CTNNA3: variants seen among roughly 807,000 people sequenced by gnomAD.
CTNNA3 encodes the protein catenin alpha 3.
A neutral mutation model predicts 95.7 loss-of-function variants in CTNNA3; 76 were observed. That is an observed-to-expected ratio of 0.79 (90% CI 0.66 to 0.96). The LOEUF (loss-of-function observed/expected upper bound fraction) is 0.96. Among genes scored for constraint, CTNNA3 ranks in the 40% least tolerant of loss-of-function variants. CTNNA3 has a pLI of 0.00. For missense variants in CTNNA3, 1,191 were observed against 1,089.8 expected (o/e 1.09, Z -1.31); for synonymous variants, 431 against 374.4 (o/e 1.15, Z -1.74).
At chr10:67,352,162 G>A (rs1214400427) in intron 5 of CTNNA3, among the ~76,000 whole-genome samples, 4 of 151,882 alleles carry the variant, frequency 2.6e-5, no homozygotes, top group Admixed American at 6.6e-5. Flanking sequence ...GATCGGGTAC[G>A]GGGACAACCA....
At chr10:65,953,946 T>C (rs2077676008) in intron 17 of CTNNA3, among the ~76,000 whole-genome samples, 1 of 152,190 alleles carries the variant, frequency 6.6e-6, no homozygotes, top group Non-Finnish European at 1.5e-5. Context: ...TTCTAGATCC[T>C]TGAGGAATCA....
intron 13 of CTNNA3, among the ~76,000 whole-genome samples, chr10:66,177,183 C>T (rs894531515): frequency 6.6e-6 from 1 of 151,908 alleles, no homozygotes; most frequent in African/African-American, 2.4e-5. Flanking sequence ...TTAAGCTTTT[C>T]CTGACCTCTT....
At chr10:66,155,740 A>G (rs951435945) in intron 13 of CTNNA3, among the ~76,000 whole-genome samples, 1 of 151,960 alleles carries the variant, frequency 6.6e-6, no homozygotes, top group African/African-American at 2.4e-5. Flanking sequence ...ATATAAAACA[A>G]TAAAGCTTTT....
At chr10:66,518,995 A>G (rs79059674) in intron 11 of CTNNA3, among the ~76,000 whole-genome samples, 1,627 of 152,246 alleles carry the variant, frequency 0.011, 15 homozygotes, top group Middle Eastern at 0.034. Context: ...AATGAAGTCA[A>G]TAGGTTAGAC....
intron 3 of CTNNA3, among the ~76,000 whole-genome samples, chr10:67,551,401 C>A (rs7078043): frequency 0.14 from 21,295 of 152,012 alleles, 3,367 homozygotes; most frequent in African/African-American, 0.4. Flanking sequence ...GTCTCCCCCA[C>A]CTGCTGAGAG....
chr10:66,406,087 G>A (rs1290035355), intron 11 of CTNNA3, among the ~76,000 whole-genome samples: 1 of 152,090 alleles, frequency 6.6e-6, no homozygotes, highest in Non-Finnish European at 1.5e-5. Flanking sequence ...AATAAAAAAA[G>A]GATCTTATTA....
intron 7 of CTNNA3, among the ~76,000 whole-genome samples, chr10:67,107,408 A>G (rs1858699962): frequency 1.3e-5 from 2 of 152,224 alleles, no homozygotes; most frequent in African/African-American, 4.8e-5. Flanking sequence ...TAAAATGTTC[A>G]TACAACATTT....
At chr10:67,346,612 T>C (rs1038641037) in intron 5 of CTNNA3, 6 of 434,568 alleles carry the variant, frequency 1.4e-5, no homozygotes, top group Middle Eastern at 3.5e-4. Context: ...ACACTGTATA[T>C]GGACAAGTAG....
At chr10:67,087,998 CA>C (rs1857404137) in intron 7 of CTNNA3, among the ~76,000 whole-genome samples, 1 of 151,554 alleles carries the variant, frequency 6.6e-6, no homozygotes, top group Admixed American at 6.6e-5. Flanking sequence ...AAGATCTGTG[CA>C]AATAAAGACA....
chr10:66,931,951 A>C (rs994678685), intron 7 of CTNNA3, among the ~76,000 whole-genome samples: 1 of 152,212 alleles, frequency 6.6e-6, no homozygotes, highest in African/African-American at 2.4e-5. Flanking sequence ...TAGGAAAAAC[A>C]AATTTTAATA....
At chr10:66,360,652 T>C (rs2092652217) in intron 12 of CTNNA3, among the ~76,000 whole-genome samples, 1 of 60,604 alleles carries the variant, frequency 1.7e-5, no homozygotes. Context: ...TCTTTCTTTC[T>C]TTCTTTCTTC....
intron 7 of CTNNA3, among the ~76,000 whole-genome samples, chr10:67,173,010 A>T (rs1361261052): frequency 2.0e-5 from 3 of 152,128 alleles, no homozygotes; most frequent in African/African-American, 7.2e-5. Flanking sequence ...CGGTTTGGAT[A>T]ACAAATTACA....
intron 2 of CTNNA3, among the ~76,000 whole-genome samples, chr10:67,608,057 G>C (rs1843340725): frequency 6.6e-6 from 1 of 152,206 alleles, no homozygotes; most frequent in Non-Finnish European, 1.5e-5. Flanking sequence ...GGGGATCGGG[G>C]TGGTCAGGAA....
In CTNNA3 at chr10:65,913,910, G is replaced by A. The variant is rs781724510; in HGVS notation, c.*6420C>T. The stretch of plus-strand genomic sequence containing the variant: ...CTAAGGTTGGCCTGAGTCTGCAGAA[G>A]CTGGGCTGTCAGAATAGAAAAGCAA... On this transcript the variant is annotated 3_prime_UTR_variant, in exon 18 of 18. Transcript: ENST00000433211. The A allele has an allele frequency of 2.6e-5, 4 of 152,148 alleles. No individual in the cohort carries two copies. The highest frequency in any genetic ancestry group is 9.7e-5 in the African/African-American group (4 of 41,444). 9.4% of individuals were successfully genotyped at this position (152,148 alleles called of 1,614,324 possible).
rs569528849 is a variant in CTNNA3 at position 66,532,942 on chromosome 10, T to C, written c.1375-12169A>G. On this transcript the variant is annotated intron_variant, in intron 10 of 17. Coordinates refer to ENST00000433211, the MANE Select transcript of CTNNA3 (RefSeq NM_013266.4). ...AATTTTATTAATATCCTTGACCTAG[T>C]ATTTTGACCTCCAAGATACTATGTC... Among the ~76,000 whole-genome samples the C allele has an allele frequency of 1.2e-3, 180 of 152,252 alleles. 1 individual carries two copies. The highest frequency in any genetic ancestry group is 0.011 in the South Asian group (52 of 4,818).
chr10:66,209,020 C>A (rs188559429), intron 13 of CTNNA3, among the ~76,000 whole-genome samples: 1 of 152,152 alleles, frequency 6.6e-6, no homozygotes, highest in East Asian at 1.9e-4. Flanking sequence ...TGTATAAATA[C>A]AATATAGTAT....
rs1564878146 is a variant in CTNNA3, at chr10:67,080,933, CAACAAA to C, written c.1047+99378_1047+99383del. On this transcript the variant is annotated intron_variant, in intron 7 of 17. Transcript: ENST00000433211. ...GAAAAAAAACAAAAAAACAAAAAAA[CAACAAA>C]AAAAAAAAAACAAAGAAGAGGTGAA... Among the ~76,000 whole-genome samples the C allele has an allele frequency of 3.8e-4, 54 of 142,046 alleles. 1 individual carries two copies. The highest frequency in any genetic ancestry group is 1.3e-3 in the African/African-American group (49 of 37,956). The allele number at this position is 142,046 out of a possible 152,430, so 93.2% of individuals were successfully genotyped here. A position where few individuals can be genotyped will look rare whatever the true frequency, so the allele number is the denominator to read the frequency against.
chr10:66,512,949 T>C (rs12258549), intron 11 of CTNNA3, among the ~76,000 whole-genome samples: 4,828 of 152,034 alleles, frequency 0.032, 254 homozygotes, highest in African/African-American at 0.11. Flanking sequence ...TTTTTGTCTT[T>C]ACTTTGACAA....
At chr10:67,285,292 G>C (rs1433311406) in intron 5 of CTNNA3, among the ~76,000 whole-genome samples, 1 of 152,142 alleles carries the variant, frequency 6.6e-6, no homozygotes, top group Non-Finnish European at 1.5e-5. Context: ...GCATTGCAGA[G>C]CTAGCTATGG....
Sources: gnomAD v4.1 joint callset for allele counts (sites outside exome capture counted in the v4.1 genomes callset) on GRCh38, gnomAD v4.1.1 for gene constraint, MANE v1.5 for transcripts, NCBI Gene and HGNC (gene_info 2026-07-23, HGNC 2026-07-21) for gene names.